THAP11: variants seen among roughly 807,000 people sequenced by gnomAD.
The protein encoded by THAP11 is THAP domain containing 11.
In THAP11, 8 loss-of-function variants were observed where a neutral mutation model predicts 24.1. The ratio of observed to expected loss-of-function variants is 0.33; its 90% confidence interval spans 0.20 to 0.60. The LOEUF is 0.60. THAP11 is among the 20% of genes least tolerant of loss of function. THAP11 has a pLI of 0.82. For synonymous variants in THAP11, 222 were observed against 180.2 expected, an observed-to-expected ratio of 1.23 and a Z score of -1.86; for missense variants, 276 against 418.4, an observed-to-expected ratio of 0.66 and a Z score of 2.97.
At position 67,843,186 on chromosome 16, in the gene THAP11, T is replaced by TA. The variant is rs2057777278; in HGVS notation, c.633dup (p.Gln212ThrfsTer28). 6.2e-7 allele frequency: 1 copy of TA among 1,611,186 alleles called. No homozygotes were observed. Among genetic ancestry groups the TA allele is most frequent in the Non-Finnish European group, 8.5e-7 (1 of 1,179,684 alleles). On this transcript the variant is annotated frameshift_variant, in exon 1 of 1. Coordinates refer to ENST00000303596, the MANE Select transcript of THAP11 (RefSeq NM_020457.3). LOFTEE classifies it high-confidence loss of function. The surrounding 1 kb of genome is among the most constrained non-coding windows in gnomAD (Gnocchi z 5.7). Reference sequence around the variant, plus strand: ...GCCGCTGCGGCCGCCGCGTCGGAGTTACAGGCTGCTACCGCAGGGCTGGAG... The same window carrying TA: ...GCCGCTGCGGCCGCCGCGTCGGAGTTAACAGGCTGCTACCGCAGGGCTGGAG...
In THAP11 at chr16:67,842,456, G is replaced by A. The variant is rs1179828854; in HGVS notation, c.-99G>A. The A allele has an allele frequency of 7.0e-6, 7 of 995,894 alleles. No homozygotes were observed. Among genetic ancestry groups the A allele is most frequent in the Admixed American group, 4.5e-5 (1 of 22,292 alleles). The allele number at this position is 995,894 out of a possible 1,614,324, so 61.7% of individuals were successfully genotyped here. On this transcript the variant is annotated 5_prime_UTR_variant, in exon 1 of 1. Transcript: ENST00000303596. This position sits in a 1 kb window ranked among gnomAD's most constrained non-coding sequence, Gnocchi z 4.9. Reference sequence around the variant, plus strand: ...GTGGTGGGATACCACCCAAGGCCTCGCGCGGCGCCGCCCGTCGAGGGGCGG... The same window carrying A: ...GTGGTGGGATACCACCCAAGGCCTCACGCGGCGCCGCCCGTCGAGGGGCGG...
At position 67,842,508 on chromosome 16, in the gene THAP11, A is replaced by C; in HGVS notation, c.-47A>C. 7.0e-7 allele frequency: 1 copy of C among 1,423,384 alleles called. No individual in the cohort carries two copies. The highest frequency in any genetic ancestry group is 9.2e-7 in the Non-Finnish European group (1 of 1,090,996). 88.2% of individuals were successfully genotyped at this position (1,423,384 alleles called of 1,614,324 possible). On this transcript the variant is annotated 5_prime_UTR_variant, in exon 1 of 1. Coordinates refer to ENST00000303596, the MANE Select transcript of THAP11 (RefSeq NM_020457.3). This position sits in a 1 kb window ranked among gnomAD's most constrained non-coding sequence, Gnocchi z 4.9. ...CGGCGGCGTAGCCACTGGGCCGTCGAAGAGCGCAGGAGGCCGGTGGGCCGG... is the reference window on the plus strand; with the variant it reads ...CGGCGGCGTAGCCACTGGGCCGTCGCAGAGCGCAGGAGGCCGGTGGGCCGG...
Position 67,843,821 on chromosome 16 carries a change from C to A in THAP11, c.*322C>A, listed in dbSNP as rs1037477423. 14 of 312,134 alleles carry A rather than the reference C, an allele frequency of 4.5e-5. No homozygotes were observed. The South Asian group carries it at 8.0e-4, about 18-fold the overall frequency. The allele number at this position is 312,134 out of a possible 1,614,324, so 19.3% of individuals were successfully genotyped here. ...CCCTCTAGGGATGCAGGTGGGATGT[C>A]CAGGGACTATAGGTTTGGGAAAACC... On this transcript the variant is annotated 3_prime_UTR_variant, in exon 1 of 1. Coordinates refer to ENST00000303596, the MANE Select transcript of THAP11 (RefSeq NM_020457.3). This position sits in a 1 kb window ranked among gnomAD's most constrained non-coding sequence, Gnocchi z 5.7.
In THAP11 at chr16:67,842,910, A is replaced by G; in HGVS notation, c.356A>G (p.Gln119Arg). 1.3e-6 allele frequency: 2 copies of G among 1,572,748 alleles called. No homozygotes were observed. Among genetic ancestry groups the G allele is most frequent in the South Asian group, 2.3e-5 (2 of 87,748 alleles). The change falls in exon 1 of 1, where the codon CAG becomes CGG. Residue 119 changes from glutamine to arginine, a missense_variant. Physicochemically the swap from Gln to Arg is conservative, Grantham distance 43. Transcript: ENST00000303596. The surrounding 1 kb of genome is among the most constrained non-coding windows in gnomAD (Gnocchi z 4.9). ...CAGCAGCAACAGCAGCAACAGCAGC[A>G]GCAGCAGCAACAGCAGCAGCAGCAG... The part of the protein sequence containing the change: ...QQQQQQQQQQ[Q>R]QQQQQQQQQQ...
Position 67,843,016 on chromosome 16 carries a change from G to T in THAP11, c.462G>T (p.Ala154=). 2 of 1,612,546 alleles carry T rather than the reference G, an allele frequency of 1.2e-6. No individual in the cohort carries two copies. The highest frequency in any genetic ancestry group is 8.5e-7 in the Non-Finnish European group (1 of 1,180,016). Residue 154 remains alanine (A), a synonymous_variant, in exon 1 of 1, where the codon GCG becomes GCT. Coordinates refer to ENST00000303596, the MANE Select transcript of THAP11 (RefSeq NM_020457.3). The surrounding 1 kb of genome is among the most constrained non-coding windows in gnomAD (Gnocchi z 5.7). ...QLQPNLVSAS[A]AVLLTLQATV... is the part of the protein sequence containing the mutation. ...AGCCGAACCTGGTATCTGCTTCCGCGGCCGTGCTTCTCACCCTTCAGGCCA... is the reference window on the plus strand; with the variant it reads ...AGCCGAACCTGGTATCTGCTTCCGCTGCCGTGCTTCTCACCCTTCAGGCCA...
rs1329060120 is a variant in THAP11 at position 67,842,406 on chromosome 16, GGCGGGCCGGCTGCGCCGA to G, written c.-144_-127del. 28 of 436,046 alleles carry G rather than the reference GGCGGGCCGGCTGCGCCGA, an allele frequency of 6.4e-5. No homozygotes were observed. Among genetic ancestry groups the G allele is most frequent in the Non-Finnish European group, 6.8e-6 (2 of 293,314 alleles). The allele number at this position is 436,046 out of a possible 1,614,324, so 27.0% of individuals were successfully genotyped here. On this transcript the variant is annotated 5_prime_UTR_variant, in exon 1 of 1. Coordinates refer to ENST00000303596, the MANE Select transcript of THAP11 (RefSeq NM_020457.3). This position sits in a 1 kb window ranked among gnomAD's most constrained non-coding sequence, Gnocchi z 4.9. ...AGCGTATTCTGGGCACGGGGCGCCG[GGCGGGCCGGCTGCGCCGA>G]GCGGCAGTGGTGGGATACCACCCAA...
chr16:67,842,674 G>A lies in THAP11; in HGVS notation c.120G>A (p.Val40=), dbSNP rs1131526. The part of the protein sequence containing the change: ...AELRRLWLKN[V]SRAGVSGCFS... The stretch of plus-strand genomic sequence containing the variant: ...TGCGGCGCCTCTGGCTCAAGAACGT[G>A]TCGCGTGCCGGCGTCAGTGGGTGCT... The change falls in exon 1 of 1, where the codon GTG becomes GTA. Residue 40 remains valine (V), a synonymous_variant. Transcript: ENST00000303596. This position sits in a 1 kb window ranked among gnomAD's most constrained non-coding sequence, Gnocchi z 4.9. 3.0e-4 allele frequency: 466 copies of A among 1,575,510 alleles called. No individual in the cohort carries two copies. The highest frequency in any genetic ancestry group is 4.8e-4 in the Admixed American group (26 of 54,670).
Position 67,842,463 on chromosome 16 carries a change from GCCGC to G in THAP11, c.-88_-85del, listed in dbSNP as rs2057768569. 1 of 1,070,940 alleles carries G rather than the reference GCCGC, an allele frequency of 9.3e-7. No individual in the cohort carries two copies. The highest frequency in any genetic ancestry group is 1.2e-6 in the Non-Finnish European group (1 of 841,608). 66.3% of individuals were successfully genotyped at this position (1,070,940 alleles called of 1,614,324 possible). A position where few individuals can be genotyped will look rare whatever the true frequency, so the allele number is the denominator to read the frequency against. On this transcript the variant is annotated 5_prime_UTR_variant, in exon 1 of 1. Coordinates refer to ENST00000303596, the MANE Select transcript of THAP11 (RefSeq NM_020457.3). The surrounding 1 kb of genome is among the most constrained non-coding windows in gnomAD (Gnocchi z 4.9). Reference sequence around the variant, plus strand: ...GATACCACCCAAGGCCTCGCGCGGCGCCGCCCGTCGAGGGGCGGGCGGCGGCGTA... The same window carrying G: ...GATACCACCCAAGGCCTCGCGCGGCGCCGTCGAGGGGCGGGCGGCGGCGTA...
At position 67,843,032 on chromosome 16, in the gene THAP11, C is replaced by T; in HGVS notation, c.478C>T (p.Leu160Phe). 3.7e-6 allele frequency: 6 copies of T among 1,612,544 alleles called. No homozygotes were observed. The highest frequency in any genetic ancestry group is 4.2e-6 in the Non-Finnish European group (5 of 1,180,032). ...VSASAAVLLT[L>F]QATVDSSQAP... The stretch of plus-strand genomic sequence containing the variant: ...TGCTTCCGCGGCCGTGCTTCTCACC[C>T]TTCAGGCCACTGTAGACAGCAGTCA... Residue 160 changes from leucine (L) to phenylalanine (F), a missense_variant, in exon 1 of 1, where the codon CTT (leucine) becomes TTT (phenylalanine). Around this residue, in one of 3 missense-constraint regions of THAP11, gnomAD observed 210 missense variants for 203.4 expected, o/e 1.03. Coordinates refer to ENST00000303596, the MANE Select transcript of THAP11 (RefSeq NM_020457.3). This position sits in a 1 kb window ranked among gnomAD's most constrained non-coding sequence, Gnocchi z 5.7.
Position 67,842,932 on chromosome 16 carries a change from G to C in THAP11, c.378G>C (p.Gln126His), listed in dbSNP as rs151159352. The change falls in exon 1 of 1, where the codon CAG becomes CAC. Residue 126 changes from glutamine (Q) to histidine (H), a missense_variant. Transcript: ENST00000303596. This position sits in a 1 kb window ranked among gnomAD's most constrained non-coding sequence, Gnocchi z 4.9. ...AGCAGCAGCAGCAACAGCAGCAGCA[G>C]CAGCAGCAGCAGCAGCAGTCCTCAC... Reference protein sequence around the residue: ...QQQQQQQQQQQQQQQQQSSPS... With the variant: ...QQQQQQQQQQHQQQQQQSSPS... The C allele has an allele frequency of 6.2e-7, 1 of 1,603,904 alleles. No individual in the cohort carries two copies. The highest frequency in any genetic ancestry group is 8.5e-7 in the Non-Finnish European group (1 of 1,175,936).
rs1411112126 is a variant in THAP11, at chr16:67,842,459, C to T, written c.-96C>T. 13 of 1,024,490 alleles carry T rather than the reference C, an allele frequency of 1.3e-5. No individual in the cohort carries two copies. In the East Asian group the frequency reaches 4.6e-4, roughly 37 times the overall value. 63.5% of individuals were successfully genotyped at this position (1,024,490 alleles called of 1,614,324 possible). On this transcript the variant is annotated 5_prime_UTR_variant, in exon 1 of 1. Transcript: ENST00000303596. The surrounding 1 kb of genome is among the most constrained non-coding windows in gnomAD (Gnocchi z 4.9). ...GTGGGATACCACCCAAGGCCTCGCGCGGCGCCGCCCGTCGAGGGGCGGGCG... is the reference window on the plus strand; with the variant it reads ...GTGGGATACCACCCAAGGCCTCGCGTGGCGCCGCCCGTCGAGGGGCGGGCG...
Position 67,843,448 on chromosome 16 carries a change from G to T in THAP11, c.894G>T (p.Glu298Asp). ...CCAAGCTGCGCGAAGAACTGCGTGA[G>T]AAGGATCGGCTGCTTGCCATGGCTG... ...TEAKLREELR[E>D]KDRLLAMAVI... Residue 298 changes from glutamate to aspartate, a missense_variant, in exon 1 of 1, where the codon GAG becomes GAT. Physicochemically the swap from Glu to Asp is conservative, Grantham distance 45. This residue lies in a region of THAP11 where 38 missense variants were observed against 95.9 expected (regional missense o/e 0.40). Coordinates refer to ENST00000303596, the MANE Select transcript of THAP11 (RefSeq NM_020457.3). This position sits in a 1 kb window ranked among gnomAD's most constrained non-coding sequence, Gnocchi z 5.7. 6.2e-7 allele frequency: 1 copy of T among 1,614,026 alleles called. No homozygotes were observed. The highest frequency in any genetic ancestry group is 8.5e-7 in the Non-Finnish European group (1 of 1,179,984).
rs1206458921 is a variant in THAP11 at position 67,842,716 on chromosome 16, C to A, written c.162C>A (p.Pro54=). Residue 54 remains proline (P), a synonymous_variant, in exon 1 of 1, where the codon CCC becomes CCA. Transcript: ENST00000303596. The surrounding 1 kb of genome is among the most constrained non-coding windows in gnomAD (Gnocchi z 4.9). ...GTGGGTGCTTCTCCACCTTCCAGCC[C>A]ACCACAGGCCACCGTCTCTGCAGCG... The part of the protein sequence containing the change: ...GVSGCFSTFQ[P]TTGHRLCSVH... 1 of 1,604,800 alleles carries A rather than the reference C, an allele frequency of 6.2e-7. No individual in the cohort carries two copies. Among genetic ancestry groups the A allele is most frequent in the South Asian group, 1.1e-5 (1 of 90,006 alleles).
In THAP11 at chr16:67,843,242, G is replaced by A. The variant is rs2057777738; in HGVS notation, c.688G>A (p.Val230Met). 1.2e-6 allele frequency: 2 copies of A among 1,612,128 alleles called. No individual in the cohort carries two copies. The highest frequency in any genetic ancestry group is 1.7e-6 in the Non-Finnish European group (2 of 1,179,248). ...AAECPMGPQL[V>M]VVGEEGFPDT... Reference sequence around the variant, plus strand: ...CGAGTGCCCTATGGGCCCCCAGTTGGTGGTGGTAGGGGAAGAGGGCTTCCC... The same window carrying A: ...CGAGTGCCCTATGGGCCCCCAGTTGATGGTGGTAGGGGAAGAGGGCTTCCC... The change falls in exon 1 of 1, where the codon GTG (valine) becomes ATG (methionine). Residue 230 changes from valine to methionine, a missense_variant. Physicochemically the swap from Val to Met is conservative, Grantham distance 21 (BLOSUM62 1). Coordinates refer to ENST00000303596, the MANE Select transcript of THAP11 (RefSeq NM_020457.3). This position sits in a 1 kb window ranked among gnomAD's most constrained non-coding sequence, Gnocchi z 5.7.
In THAP11 at chr16:67,842,677, G is replaced by A. The variant is rs1363072114; in HGVS notation, c.123G>A (p.Ser41=). The part of the protein sequence containing the change: ...ELRRLWLKNV[S]RAGVSGCFST... Reference sequence around the variant, plus strand: ...GGCGCCTCTGGCTCAAGAACGTGTCGCGTGCCGGCGTCAGTGGGTGCTTCT... The same window carrying A: ...GGCGCCTCTGGCTCAAGAACGTGTCACGTGCCGGCGTCAGTGGGTGCTTCT... The change falls in exon 1 of 1, where the codon TCG becomes TCA. Residue 41 remains serine (S), a synonymous_variant. Transcript: ENST00000303596. The surrounding 1 kb of genome is among the most constrained non-coding windows in gnomAD (Gnocchi z 4.9). The A allele has an allele frequency of 6.3e-7, 1 of 1,577,058 alleles. No homozygotes were observed. Among genetic ancestry groups the A allele is most frequent in the African/African-American group, 1.4e-5 (1 of 74,042 alleles).
Position 67,842,741 on chromosome 16 carries a change from G to A in THAP11, c.187G>A (p.Val63Ile). The A allele has an allele frequency of 6.2e-7, 1 of 1,608,306 alleles. No individual in the cohort carries two copies. The highest frequency in any genetic ancestry group is 8.5e-7 in the Non-Finnish European group (1 of 1,177,626). ...CACCACAGGCCACCGTCTCTGCAGCGTTCACTTCCAGGGCGGCCGCAAGAC... is the reference window on the plus strand; with the variant it reads ...CACCACAGGCCACCGTCTCTGCAGCATTCACTTCCAGGGCGGCCGCAAGAC... ...QPTTGHRLCS[V>I]HFQGGRKTYT... The change falls in exon 1 of 1, where the codon GTT (valine) becomes ATT (isoleucine). Residue 63 changes from valine (V) to isoleucine (I), a missense_variant. Around this residue, in one of 3 missense-constraint regions of THAP11, gnomAD observed 28 missense variants for 119.1 expected, o/e 0.24. Coordinates refer to ENST00000303596, the MANE Select transcript of THAP11 (RefSeq NM_020457.3). The surrounding 1 kb of genome is among the most constrained non-coding windows in gnomAD (Gnocchi z 4.9).
Position 67,843,386 on chromosome 16 carries a change from A to G in THAP11, c.832A>G (p.Met278Val). ...TCTGATGGAAGTGAAGATGAAAGAG[A>G]TGAAAGGCAGCATTCGCCACCTGCG... ...LALMEVKMKE[M>V]KGSIRHLRLT... The change falls in exon 1 of 1, where the codon ATG becomes GTG. Residue 278 changes from methionine (M) to valine (V), a missense_variant. Met to Val is a conservative substitution (Grantham distance 21). This residue lies in a region of THAP11 where 38 missense variants were observed against 95.9 expected (regional missense o/e 0.40). Coordinates refer to ENST00000303596, the MANE Select transcript of THAP11 (RefSeq NM_020457.3). This position sits in a 1 kb window ranked among gnomAD's most constrained non-coding sequence, Gnocchi z 5.7. The G allele has an allele frequency of 6.2e-7, 1 of 1,613,986 alleles. No homozygotes were observed. Among genetic ancestry groups the G allele is most frequent in the Non-Finnish European group, 8.5e-7 (1 of 1,180,040 alleles).
At position 67,842,931 on chromosome 16, in the gene THAP11, A is replaced by G. The variant is rs368259540; in HGVS notation, c.377A>G (p.Gln126Arg). Residue 126 changes from glutamine to arginine, a missense_variant, in exon 1 of 1, where the codon CAG (glutamine) becomes CGG (arginine). Transcript: ENST00000303596. This position sits in a 1 kb window ranked among gnomAD's most constrained non-coding sequence, Gnocchi z 4.9. ...QQQQQQQQQQ[Q>R]QQQQQQSSPS... ...CAGCAGCAGCAGCAACAGCAGCAGCAGCAGCAGCAGCAGCAGCAGTCCTCA... is the reference window on the plus strand; with the variant it reads ...CAGCAGCAGCAGCAACAGCAGCAGCGGCAGCAGCAGCAGCAGCAGTCCTCA... 1 of 1,603,812 alleles carries G rather than the reference A, an allele frequency of 6.2e-7. No individual in the cohort carries two copies. Among genetic ancestry groups the G allele is most frequent in the South Asian group, 1.1e-5 (1 of 90,448 alleles).
rs757955307 is a variant in THAP11 at position 67,842,866 on chromosome 16, GCAGCAGCAA to G, written c.321_329del (p.Gln130_Gln132del). ...GGGCCGCGGCCGCCCGCCGCAGGCA[GCAGCAGCAA>G]CAGCAGCAGCAGCAGCAACAGCAGC... On this transcript the variant is annotated inframe_deletion, in exon 1 of 1. Coordinates refer to ENST00000303596, the MANE Select transcript of THAP11 (RefSeq NM_020457.3). The surrounding 1 kb of genome is among the most constrained non-coding windows in gnomAD (Gnocchi z 4.9). The G allele has an allele frequency of 1.2e-4, 197 of 1,607,758 alleles. 1 individual carries two copies. Among genetic ancestry groups the G allele is most frequent in the South Asian group, 1.0e-3 (93 of 90,886 alleles).
Sources: allele counts gnomAD v4.1 joint callset, GRCh38; gene constraint gnomAD v4.1.1; regional missense constraint gnomAD v4.1.1; non-coding constraint Gnocchi (gnomAD v3.1); transcripts MANE v1.5; gene names NCBI Gene and HGNC (gene_info 2026-07-23, HGNC 2026-07-21).